PIP4K2C: variants seen among roughly 807,000 people sequenced by gnomAD.
PIP4K2C encodes phosphatidylinositol-5-phosphate 4-kinase type 2 gamma, also known as phosphatidylinositol 5-phosphate 4-kinase type-2 gamma.
In PIP4K2C, 21 loss-of-function variants were observed where a neutral mutation model predicts 45.0. That is an observed-to-expected ratio of 0.47 (90% CI 0.33 to 0.67). The LOEUF is 0.67. Ranked by LOEUF, PIP4K2C falls within the 30% of genes least tolerant of loss-of-function variation. The probability of loss-of-function intolerance (pLI) is 0.02; values close to 1 mark genes in which losing one functional copy is unlikely to be tolerated. For synonymous variants in PIP4K2C, 201 were observed against 204.8 expected, an observed-to-expected ratio of 0.98 and a Z score of 0.16; for missense variants, 456 against 542.8, an observed-to-expected ratio of 0.84 and a Z score of 1.59.
At position 57,602,770 on chromosome 12, in the gene PIP4K2C, C is replaced by T. The variant is rs1263540727; in HGVS notation, c.*1164C>T. Reference sequence around the variant, plus strand: ...GATGGCCTTCTTTGTCATCTTCACTCTCCACCCCCAGAGAGGAGTCAGAGC... The same window carrying T: ...GATGGCCTTCTTTGTCATCTTCACTTTCCACCCCCAGAGAGGAGTCAGAGC... On this transcript the variant is annotated 3_prime_UTR_variant, in exon 10 of 10. Transcript: ENST00000354947. 6.5e-6 allele frequency: 1 copy of T among 152,740 alleles called. No individual in the cohort carries two copies. Among genetic ancestry groups the T allele is most frequent in the African/African-American group, 2.4e-5 (1 of 41,416 alleles). 9.5% of individuals were successfully genotyped at this position (152,740 alleles called of 1,614,324 possible). A position where few individuals can be genotyped will look rare whatever the true frequency, so the allele number is the denominator to read the frequency against.
chr12:57,598,652 A>G (rs1883296500), intron 4 of PIP4K2C, among the ~76,000 whole-genome samples: 1 of 151,414 alleles, frequency 6.6e-6, no homozygotes, highest in Admixed American at 6.6e-5. Context: ...CAATGCAGAC[A>G]TTTTAAATTA....
Position 57,601,627 on chromosome 12 carries a change from G to A in PIP4K2C, c.*21G>A. On this transcript the variant is annotated 3_prime_UTR_variant, in exon 10 of 10. Transcript: ENST00000354947. ...CCTAAGAGACTGCCTGGTTCTCTCT[G>A]ATGTTCAAGGTGGTGGGGTTCTGAG... The A allele has an allele frequency of 1.9e-6, 3 of 1,575,238 alleles. No individual in the cohort carries two copies. Among genetic ancestry groups the A allele is most frequent in the Non-Finnish European group, 2.6e-6 (3 of 1,144,606 alleles).
intron 2 of PIP4K2C, 95 bp downstream of exon 2, chr12:57,594,217 T>C (rs1296579182): frequency 1.0e-6 from 1 of 978,826 alleles, no homozygotes; most frequent in Non-Finnish European, 1.5e-6. Context: ...TTTAACATCC[T>C]TCCCAAATGC....
rs1196138954 is a variant in PIP4K2C, at chr12:57,594,048, TC to T, written c.203del (p.Pro68ArgfsTer2). Reference sequence around the variant, plus strand: ...AGATCAATGAGCTCAGCCAGGTGCCTCCCCCGGTGATGCTGCTGCCAGATGA... The same window carrying T: ...AGATCAATGAGCTCAGCCAGGTGCCTCCCCGGTGATGCTGCTGCCAGATGA... ...HSINELSQVP[P>X]PVMLLPDDFK... On this transcript the variant is annotated frameshift_variant, in exon 2 of 10. Coordinates refer to ENST00000354947, the MANE Select transcript of PIP4K2C (RefSeq NM_024779.5). LOFTEE classifies it high-confidence loss of function. 1 of 1,613,834 alleles carries T rather than the reference TC, an allele frequency of 6.2e-7. No homozygotes were observed. The highest frequency in any genetic ancestry group is 8.5e-7 in the Non-Finnish European group (1 of 1,179,920).
In PIP4K2C at chr12:57,595,985, G is replaced by C. The variant is rs771541611; in HGVS notation, c.467G>C (p.Ser156Thr). ...ACTCTGGTCATCAAAGAAGTATCCA[G>C]TGAGGACATTGCTGACATGCATAGC... Reference protein sequence around the residue: ...DRTLVIKEVSSEDIADMHSNL... With the variant: ...DRTLVIKEVSTEDIADMHSNL... Residue 156 changes from serine (S) to threonine (T), a missense_variant, in exon 4 of 10, where the codon AGT becomes ACT. Ser to Thr is a moderately conservative substitution (Grantham distance 58). Transcript: ENST00000354947. The C allele has an allele frequency of 6.2e-7, 1 of 1,613,984 alleles. No homozygotes were observed. Among genetic ancestry groups the C allele is most frequent in the African/African-American group, 1.3e-5 (1 of 75,050 alleles).
intron 6 of PIP4K2C, 149 bp downstream of exon 6, chr12:57,599,587 C>T: frequency 1.1e-6 from 1 of 903,292 alleles, no homozygotes; most frequent in Non-Finnish European, 1.7e-6. Context: ...AGGGGGTAAA[C>T]TTCTGTTGAT....
chr12:57,597,291 G>C (rs765445203), intron 4 of PIP4K2C, among the ~76,000 whole-genome samples: 4 of 152,206 alleles, frequency 2.6e-5, no homozygotes, highest in Non-Finnish European at 4.4e-5. Flanking sequence ...ATGAAGGCCT[G>C]GGGGAGCGAT....
chr12:57,595,016 G>A (rs911627003), intron 2 of PIP4K2C, 110 bp from the exon 3 acceptor site: 4 of 699,168 alleles, frequency 5.7e-6, no homozygotes, highest in African/African-American at 5.4e-5. Flanking sequence ...GACCTCACAG[G>A]GTTTTATGAG....
At chr12:57,598,049 CAGAA>C (rs923435403) in intron 4 of PIP4K2C, 2 of 152,156 alleles carry the variant, frequency 1.3e-5, no homozygotes, top group Non-Finnish European at 2.9e-5. Flanking sequence ...GGCAGCAACA[CAGAA>C]AGAGAGATGG....
chr12:57,598,575 T>C (rs1883292670), intron 4 of PIP4K2C, among the ~76,000 whole-genome samples: 2 of 151,758 alleles, frequency 1.3e-5, no homozygotes, highest in Admixed American at 6.6e-5. Context: ...GCAGACTTTT[T>C]TTTTTTTTTA....
At chr12:57,596,500 G>C (rs973588509) in intron 4 of PIP4K2C, among the ~76,000 whole-genome samples, 22 of 93,244 alleles carry the variant, frequency 2.4e-4, no homozygotes, top group Non-Finnish European at 5.2e-4. Context: ...AAAAAAAAAA[G>C]ATTAAAAAAA....
At chr12:57,599,037 C>G in intron 4 of PIP4K2C, 28 bp from the exon 5 acceptor site, 1 of 1,610,298 alleles carries the variant, frequency 6.2e-7, no homozygotes, top group South Asian at 1.1e-5. Context: ...TCAGCCTCTC[C>G]CCATTCCTTC....
intron 6 of PIP4K2C, 140 bp from the exon 7 acceptor site, chr12:57,600,184 T>G (rs1594942572): frequency 2.0e-6 from 1 of 505,792 alleles, no homozygotes; most frequent in Non-Finnish European, 3.6e-6. Flanking sequence ...TCACTGGAGG[T>G]GAGAACAGAC....
chr12:57,599,747 A>G (rs1883344880), intron 6 of PIP4K2C, among the ~76,000 whole-genome samples: 1 of 152,120 alleles, frequency 6.6e-6, no homozygotes, highest in Non-Finnish European at 1.5e-5. Flanking sequence ...ATTTTATTCA[A>G]GCAGCTACTT....
At chr12:57,600,699 T>G in intron 7 of PIP4K2C, 112 bp from the exon 8 acceptor site, 1 of 1,395,178 alleles carries the variant, frequency 7.2e-7, no homozygotes, top group African/African-American at 1.4e-5. Flanking sequence ...AACCTCAATT[T>G]TTATACTTCC....
intron 1 of PIP4K2C, among the ~76,000 whole-genome samples, chr12:57,591,732 T>C (rs1299647730): frequency 2.6e-5 from 4 of 152,200 alleles, no homozygotes; most frequent in Non-Finnish European, 5.9e-5. Context: ...CTTCCTGCCA[T>C]GTCTAGCTTC....
intron 6 of PIP4K2C, among the ~76,000 whole-genome samples, chr12:57,599,789 G>T (rs1245858364): frequency 2.0e-5 from 3 of 152,174 alleles, no homozygotes; most frequent in Non-Finnish European, 4.4e-5. Flanking sequence ...GGGCATGGTG[G>T]CTTATGCATG....
In PIP4K2C at chr12:57,595,984, A is replaced by G; in HGVS notation, c.466A>G (p.Ser156Gly). ...DRTLVIKEVSSEDIADMHSNL... is the reference protein window; with the variant it reads ...DRTLVIKEVSGEDIADMHSNL... Reference sequence around the variant, plus strand: ...GACTCTGGTCATCAAAGAAGTATCCAGTGAGGACATTGCTGACATGCATAG... The same window carrying G: ...GACTCTGGTCATCAAAGAAGTATCCGGTGAGGACATTGCTGACATGCATAG... The change falls in exon 4 of 10, where the codon AGT (serine) becomes GGT (glycine). Residue 156 changes from serine (S) to glycine (G), a missense_variant. By Grantham distance (56) the Ser-to-Gly change is moderately conservative. Around this residue, in one of 2 missense-constraint regions of PIP4K2C, gnomAD observed 421 missense variants for 473.1 expected, o/e 0.89. Coordinates refer to ENST00000354947, the MANE Select transcript of PIP4K2C (RefSeq NM_024779.5). 1 of 1,613,966 alleles carries G rather than the reference A, an allele frequency of 6.2e-7. No homozygotes were observed. Among genetic ancestry groups the G allele is most frequent in the African/African-American group, 1.3e-5 (1 of 75,034 alleles).
intron 4 of PIP4K2C, among the ~76,000 whole-genome samples, chr12:57,597,390 C>G (rs927773190): frequency 2.0e-5 from 3 of 151,988 alleles, no homozygotes; most frequent in Non-Finnish European, 4.4e-5. Flanking sequence ...TAACTGGGTG[C>G]CTATTCACCA....
Sources: allele counts gnomAD v4.1 joint callset (sites outside exome capture counted in the v4.1 genomes callset), GRCh38; gene constraint gnomAD v4.1.1; regional missense constraint gnomAD v4.1.1; transcripts MANE v1.5; gene names NCBI Gene and HGNC (gene_info 2026-07-23, HGNC 2026-07-21).